The following L3MBTL3 variants were observed in gnomAD, a reference collection of about 807,000 sequenced individuals.
L3MBTL3 encodes lethal(3)malignant brain tumor-like protein 3.
A neutral mutation model predicts 102.3 loss-of-function variants in L3MBTL3; 27 were observed. The observed-to-expected ratio is 0.26, with a 90% confidence interval of 0.19 to 0.36. The LOEUF is 0.36. Among genes scored for constraint, L3MBTL3 ranks in the 10% least tolerant of loss-of-function variants. The probability of loss-of-function intolerance (pLI) is 1.00; values close to 1 mark genes in which losing one functional copy is unlikely to be tolerated. For synonymous variants in L3MBTL3, 340 were observed against 320.9 expected, an observed-to-expected ratio of 1.06 and a Z score of -0.64; for missense variants, 798 against 955.3, an observed-to-expected ratio of 0.84 and a Z score of 2.17.
intron 19 of L3MBTL3, among the ~76,000 whole-genome samples, chr6:130,112,575 T>G (rs1430615188): frequency 6.6e-6 from 1 of 152,146 alleles, no homozygotes; most frequent in Non-Finnish European, 1.5e-5. Flanking sequence ...AATGTTTGTG[T>G]CGAACACCAA....
At chr6:130,077,725 C>G (rs770369250) in intron 13 of L3MBTL3, among the ~76,000 whole-genome samples, 6 of 152,328 alleles carry the variant, frequency 3.9e-5, no homozygotes, top group South Asian at 2.1e-4. Flanking sequence ...CTTCCTGGCT[C>G]TCTGCCTTCT....
At chr6:130,039,855 T>A (rs1780309982) in intron 2 of L3MBTL3, among the ~76,000 whole-genome samples, 1 of 152,184 alleles carries the variant, frequency 6.6e-6, no homozygotes, top group African/African-American at 2.4e-5. Flanking sequence ...GTTTCATGCA[T>A]GTATGAGGTT....
chr6:130,090,093 T>A (rs1783946978), intron 16 of L3MBTL3, among the ~76,000 whole-genome samples: 1 of 152,188 alleles, frequency 6.6e-6, no homozygotes, highest in Non-Finnish European at 1.5e-5. Context: ...TTCTCTTATC[T>A]TGCTGACACA....
intron 19 of L3MBTL3, among the ~76,000 whole-genome samples, chr6:130,119,917 A>C (rs1483608315): frequency 6.6e-6 from 1 of 152,218 alleles, no homozygotes; most frequent in Non-Finnish European, 1.5e-5. Context: ...GTGCCTTTGT[A>C]ATTAAAACTA....
rs1413533078 is a variant in L3MBTL3 at position 130,140,870 on chromosome 6, A to T, written c.*1117A>T. On this transcript the variant is annotated 3_prime_UTR_variant, in exon 23 of 23. Transcript: ENST00000361794. ...GACACAAAATTTGAAATGCTCACAG[A>T]TCAGGGAGGTGATTTCCCAAAGTAA... 4.6e-5 allele frequency: 7 copies of T among 152,742 alleles called. No individual in the cohort carries two copies. The East Asian group carries it at 1.2e-3, about 25-fold the overall frequency. 9.5% of individuals were successfully genotyped at this position (152,742 alleles called of 1,614,324 possible). A position where few individuals can be genotyped will look rare whatever the true frequency, so the allele number is the denominator to read the frequency against.
intron 2 of L3MBTL3, among the ~76,000 whole-genome samples, chr6:130,027,140 A>T (rs1779405640): frequency 6.6e-6 from 1 of 152,174 alleles, no homozygotes; most frequent in Admixed American, 6.5e-5. Flanking sequence ...AATGGGAATT[A>T]TATCTCTCTG....
intron 1 of L3MBTL3, among the ~76,000 whole-genome samples, chr6:130,020,861 C>T (rs1438556771): frequency 6.6e-6 from 1 of 151,296 alleles, no homozygotes; most frequent in African/African-American, 2.4e-5. Context: ...ATCCCTTGGC[C>T]CGCTTCTCCA....
At position 130,060,142 on chromosome 6, in the gene L3MBTL3, T is replaced by C; in HGVS notation, c.864+2T>C. The C allele has an allele frequency of 6.4e-7, 1 of 1,555,828 alleles. No individual in the cohort carries two copies. Among genetic ancestry groups the C allele is most frequent in the Non-Finnish European group, 8.8e-7 (1 of 1,137,290 alleles). On this transcript the variant is annotated splice_donor_variant, in intron 10 of 22. Transcript: ENST00000361794. LOFTEE classifies it high-confidence loss of function. ...TACTGTGTCCTCACCGTCGCGGAGGTAAGCTTTGCCTCGTCCTTTATTTTT... is the reference window on the plus strand; with the variant it reads ...TACTGTGTCCTCACCGTCGCGGAGGCAAGCTTTGCCTCGTCCTTTATTTTT...
intron 22 of L3MBTL3, among the ~76,000 whole-genome samples, chr6:130,137,010 C>T (rs1157048006): frequency 6.6e-6 from 1 of 151,644 alleles, no homozygotes; most frequent in African/African-American, 2.4e-5. Flanking sequence ...ATGTAAATTC[C>T]ACAAAAAGTT....
intron 13 of L3MBTL3, among the ~76,000 whole-genome samples, chr6:130,075,094 A>G (rs1186927205): frequency 6.6e-6 from 1 of 152,138 alleles, no homozygotes; most frequent in Non-Finnish European, 1.5e-5. Flanking sequence ...GGTGGTGGTG[A>G]TGGGAAGGCC....
At chr6:130,020,455 C>T (rs1778921267) in intron 1 of L3MBTL3, 1 of 152,326 alleles carries the variant, frequency 6.6e-6, no homozygotes, top group Admixed American at 6.5e-5. Flanking sequence ...GAAAAAAAGG[C>T]CCTGCGATTC....
chr6:130,107,631 C>T (rs1448465415), intron 19 of L3MBTL3, among the ~76,000 whole-genome samples: 2 of 152,206 alleles, frequency 1.3e-5, no homozygotes, highest in Non-Finnish European at 2.9e-5. Context: ...ATACATTATA[C>T]AAGCATGGTT....
intron 2 of L3MBTL3, among the ~76,000 whole-genome samples, chr6:130,024,609 AT>A (rs1260761558): frequency 6.6e-6 from 1 of 152,188 alleles, no homozygotes. Context: ...AGGATGGGGA[AT>A]TTATGAGAGA....
chr6:130,026,581 C>CTT (rs68095801), intron 2 of L3MBTL3, among the ~76,000 whole-genome samples: 3 of 148,712 alleles, frequency 2.0e-5, no homozygotes, highest in Non-Finnish European at 4.5e-5. Flanking sequence ...TTACTTTCTT[C>CTT]TTTTTTTTTT....
chr6:130,068,872 G>C (rs1782446504), intron 12 of L3MBTL3, among the ~76,000 whole-genome samples: 3 of 152,082 alleles, frequency 2.0e-5, no homozygotes, highest in Admixed American at 6.6e-5. Context: ...AACAAAATCT[G>C]GATGTGCGTG....
At chr6:130,054,696 A>G (rs988921218) in intron 7 of L3MBTL3, among the ~76,000 whole-genome samples, 3 of 152,212 alleles carry the variant, frequency 2.0e-5, no homozygotes, top group Non-Finnish European at 2.9e-5. Context: ...TGAAGATCCC[A>G]AGTAGGCATT....
chr6:130,034,655 TTTC>T (rs1358930562), intron 2 of L3MBTL3, among the ~76,000 whole-genome samples: 6 of 152,264 alleles, frequency 3.9e-5, no homozygotes, highest in Admixed American at 3.9e-4. Context: ...TTTTGTTTCA[TTTC>T]TTAAAAAGAA....
rs1191127699 is a variant in L3MBTL3 at position 130,139,887 on chromosome 6, T to G, written c.*134T>G. On this transcript the variant is annotated 3_prime_UTR_variant, in exon 23 of 23. Transcript: ENST00000361794. The stretch of plus-strand genomic sequence containing the variant: ...AGCAACACTATCGGATTATTTATAT[T>G]ACTCAAGAGACAATATATATGAATT... The G allele has an allele frequency of 9.2e-6, 7 of 764,218 alleles. No individual in the cohort carries two copies. The highest frequency in any genetic ancestry group is 1.5e-5 in the Non-Finnish European group (7 of 470,552). 47.3% of individuals were successfully genotyped at this position (764,218 alleles called of 1,614,324 possible).
intron 20 of L3MBTL3, among the ~76,000 whole-genome samples, chr6:130,130,089 G>A (rs757055015): frequency 6.6e-6 from 1 of 152,242 alleles, no homozygotes; most frequent in Non-Finnish European, 1.5e-5. Context: ...TTGGTACTAG[G>A]ATTGGAAGAG....
Sources: gnomAD v4.1 joint callset for allele counts (sites outside exome capture counted in the v4.1 genomes callset) on GRCh38, gnomAD v4.1.1 for gene constraint, MANE v1.5 for transcripts, NCBI Gene and HGNC (gene_info 2026-07-23, HGNC 2026-07-21) for gene names.